EML5: variants seen among roughly 807,000 people sequenced by gnomAD.
EML5 encodes EMAP like 5.
In EML5, 120 loss-of-function variants were observed where a neutral mutation model predicts 250.0. The ratio of observed to expected loss-of-function variants is 0.48; its 90% CI spans 0.41 to 0.56. EML5 has a LOEUF of 0.56. Among genes scored for constraint, EML5 ranks in the 20% least tolerant of loss-of-function variants. The pLI, the probability that EML5 is intolerant of heterozygous loss-of-function variation, is 0.00. For missense variants in EML5, 2,006 were observed against 2,437.6 expected, an observed-to-expected ratio of 0.82 and a Z score of 3.73; for synonymous variants, 771 against 806.5, an observed-to-expected ratio of 0.96 and a Z score of 0.75.
Position 88,681,969 on chromosome 14 carries a change from A to G in EML5, c.3045T>C (p.Thr1015=), listed in dbSNP as rs373538008. The change falls in exon 21 of 44, where the codon ACT becomes ACC. Residue 1015 remains threonine (T), a synonymous_variant. Transcript: ENST00000554922. Reference sequence around the variant, plus strand: ...TTCTTAAGGTTTTATCATCGCTTACAGTAGCACAGATGGGCAGATAAGGGT... The same window carrying G: ...TTCTTAAGGTTTTATCATCGCTTACGGTAGCACAGATGGGCAGATAAGGGT... ...ATHPYLPICA[T]VSDDKTLRIW... The G allele has an allele frequency of 4.6e-5, 74 of 1,613,600 alleles. 1 individual carries two copies. Among genetic ancestry groups the G allele is most frequent in the Non-Finnish European group, 7.6e-6 (9 of 1,179,782 alleles).
At position 88,696,827 on chromosome 14, in the gene EML5, G is replaced by A. The variant is rs2093090683; in HGVS notation, c.2344+20C>T. Reference sequence around the variant, plus strand: ...CCTCTGCATTTTGTTAATTCTTACTGAGACAGCAAACAGCCTTACCTGAGA... The same window carrying A: ...CCTCTGCATTTTGTTAATTCTTACTAAGACAGCAAACAGCCTTACCTGAGA... On this transcript the variant is annotated intron_variant, in intron 15 of 43. Coordinates refer to ENST00000554922, the MANE Select transcript of EML5 (RefSeq NM_183387.3). The A allele has an allele frequency of 1.3e-6, 2 of 1,559,708 alleles. No homozygotes were observed. The highest frequency in any genetic ancestry group is 1.4e-5 in the African/African-American group (1 of 72,974).
rs1476210601 is a variant in EML5, at chr14:88,649,998, T to C, written c.4005-72A>G. 4.4e-6 allele frequency: 5 copies of C among 1,124,586 alleles called. No homozygotes were observed. In the East Asian group the frequency reaches 1.1e-4, roughly 26 times the overall value. 69.7% of individuals were successfully genotyped at this position (1,124,586 alleles called of 1,614,324 possible). ...TGATGATGAATAGAATACAGCATTT[T>C]AGCAAACAGAAGAAAGGCAACATGT... On this transcript the variant is annotated intron_variant, in intron 27 of 43. Coordinates refer to ENST00000554922, the MANE Select transcript of EML5 (RefSeq NM_183387.3).
chr14:88,784,967 T>C (rs2140834719), intron 1 of EML5, among the ~76,000 whole-genome samples: 1 of 152,128 alleles, frequency 6.6e-6, no homozygotes, highest in African/African-American at 2.4e-5. Flanking sequence ...GATGAATGGA[T>C]AAAGAAAACG....
At chr14:88,706,980 A>G (rs1193316349) in intron 10 of EML5, among the ~76,000 whole-genome samples, 2 of 152,348 alleles carry the variant, frequency 1.3e-5, no homozygotes, top group Middle Eastern at 3.4e-3. Context: ...AGTTGTTCCA[A>G]CAATGTCCTT....
At position 88,642,980 on chromosome 14, in the gene EML5, A is replaced by T; in HGVS notation, c.4150T>A (p.Cys1384Ser). Reference protein sequence around the residue: ...ELIFGYRGRDCRNNVHYLNDG... With the variant: ...ELIFGYRGRDSRNNVHYLNDG... ...TTTAAATAGTGAACATTATTCCTAC[A>T]GTCTCTGCCTCGATAACCAAAAATG... Residue 1384 changes from cysteine to serine, a missense_variant, in exon 31 of 44, where the codon TGT becomes AGT. Coordinates refer to ENST00000554922, the MANE Select transcript of EML5 (RefSeq NM_183387.3). The T allele has an allele frequency of 6.2e-7, 1 of 1,602,064 alleles. No homozygotes were observed. The highest frequency in any genetic ancestry group is 8.5e-7 in the Non-Finnish European group (1 of 1,176,620).
At chr14:88,644,903 G>A (rs1490960773) in intron 29 of EML5, among the ~76,000 whole-genome samples, 1 of 151,892 alleles carries the variant, frequency 6.6e-6, no homozygotes, top group Admixed American at 6.6e-5. Flanking sequence ...GTAGAGACGG[G>A]GTTTCACCAT....
rs12587531 is a variant in EML5 at position 88,620,427 on chromosome 14, A to T, written c.5375+327T>A. 44,500 of 203,358 alleles carry T rather than the reference A, an allele frequency of 0.22. 5,918 individuals carry two copies. The highest frequency in any genetic ancestry group is 0.47 in the East Asian group (4,158 of 8,788). 12.6% of individuals were successfully genotyped at this position (203,358 alleles called of 1,614,324 possible). On this transcript the variant is annotated intron_variant, in intron 39 of 43. Coordinates refer to ENST00000554922, the MANE Select transcript of EML5 (RefSeq NM_183387.3). The surrounding 1 kb of genome is among the most constrained non-coding windows in gnomAD (Gnocchi z 4.3). Reference sequence around the variant, plus strand: ...CACAACTTTAGTTTTCCAGGGTGACAACTTTTGAAGGGCAGATAGCTCTCT... The same window carrying T: ...CACAACTTTAGTTTTCCAGGGTGACTACTTTTGAAGGGCAGATAGCTCTCT...
chr14:88,670,828 G>T (rs2092443240), intron 21 of EML5, among the ~76,000 whole-genome samples: 1 of 151,510 alleles, frequency 6.6e-6, no homozygotes, highest in Non-Finnish European at 1.5e-5. Context: ...AGAGCTTGAA[G>T]ACTATCTTGC....
Position 88,614,457 on chromosome 14 carries a change from A to G in EML5, c.*1361T>C, listed in dbSNP as rs933775915. ...TTTCTATTTTTAGTATTAACCAAGT[A>G]TTAGACACAGAAAATAGGTATTAAG... is the stretch of plus-strand genomic sequence containing the variant. On this transcript the variant is annotated 3_prime_UTR_variant, in exon 44 of 44. Transcript: ENST00000554922. 1 of 152,192 alleles carries G rather than the reference A, an allele frequency of 6.6e-6. No homozygotes were observed. Among genetic ancestry groups the G allele is most frequent in the African/African-American group, 2.4e-5 (1 of 41,446 alleles). The allele number at this position is 152,192 out of a possible 1,614,324, so 9.4% of individuals were successfully genotyped here.
At chr14:88,686,876 A>C (rs2092845143) in intron 19 of EML5, among the ~76,000 whole-genome samples, 1 of 152,228 alleles carries the variant, frequency 6.6e-6, no homozygotes, top group Non-Finnish European at 1.5e-5. Flanking sequence ...AACAGGGTCA[A>C]CAAAATGCCA....
chr14:88,711,821 T>C (rs1411883133), intron 10 of EML5, among the ~76,000 whole-genome samples: 1 of 151,998 alleles, frequency 6.6e-6, no homozygotes, highest in Non-Finnish European at 1.5e-5. Flanking sequence ...GGCACATGCC[T>C]GTAATCCCAG....
At chr14:88,708,466 A>G (rs914435409) in intron 10 of EML5, among the ~76,000 whole-genome samples, 4 of 152,200 alleles carry the variant, frequency 2.6e-5, no homozygotes, top group Non-Finnish European at 5.9e-5. Context: ...GGTATATAGC[A>G]AACACTCATT....
chr14:88,690,129 A>G (rs28392632), intron 17 of EML5, among the ~76,000 whole-genome samples: 14,446 of 152,246 alleles, frequency 0.095, 793 homozygotes, highest in African/African-American at 0.13. Context: ...TCACTAAGTA[A>G]CATCCAGGGA....
intron 1 of EML5, among the ~76,000 whole-genome samples, chr14:88,788,471 T>C (rs577665070): frequency 6.6e-6 from 1 of 152,210 alleles, no homozygotes; most frequent in South Asian, 2.1e-4. Flanking sequence ...GGTATACTTT[T>C]CAAAATATTT....
chr14:88,629,457 C>A (rs1208104133), intron 33 of EML5, among the ~76,000 whole-genome samples: 1 of 152,170 alleles, frequency 6.6e-6, no homozygotes, highest in African/African-American at 2.4e-5. Flanking sequence ...TCTAAACTTA[C>A]ATCAGTAACA....
rs764410502 is a variant in EML5, at chr14:88,643,035, T to C, written c.4108-13A>G. ...CCAACACAAGGTCCTATAATGATAATAATAAAACCATTATATTCTTCCTCA... is the reference window on the plus strand; with the variant it reads ...CCAACACAAGGTCCTATAATGATAACAATAAAACCATTATATTCTTCCTCA... On this transcript the variant is annotated splice_polypyrimidine_tract_variant and intron_variant, in intron 30 of 43. Coordinates refer to ENST00000554922, the MANE Select transcript of EML5 (RefSeq NM_183387.3). The C allele has an allele frequency of 1.3e-6, 2 of 1,557,166 alleles. No individual in the cohort carries two copies.
chr14:88,695,540 T>C (rs2093058325), intron 15 of EML5, 86 bp from the exon 16 acceptor site: 1 of 1,230,576 alleles, frequency 8.1e-7, no homozygotes. Context: ...ACCCACATCC[T>C]ATATTTAAAA....
chr14:88,656,070 G>C (rs2091856141), intron 27 of EML5, among the ~76,000 whole-genome samples: 2 of 152,146 alleles, frequency 1.3e-5, no homozygotes, highest in African/African-American at 4.8e-5. Context: ...AATTCCTCAA[G>C]GATCTAGAAC....
Position 88,638,830 on chromosome 14 carries a change from T to A in EML5, c.4315A>T (p.Ile1439Leu), listed in dbSNP as rs2090891244. 6.3e-7 allele frequency: 1 copy of A among 1,593,566 alleles called. No individual in the cohort carries two copies. Among genetic ancestry groups the A allele is most frequent in the Non-Finnish European group, 8.6e-7 (1 of 1,169,298 alleles). The change falls in exon 32 of 44, where the codon ATA becomes TTA. Residue 1439 changes from isoleucine to leucine, a missense_variant. Ile to Leu is a conservative substitution (Grantham distance 5, BLOSUM62 2). This residue lies in a region of EML5 where 1,375 missense variants were observed against 1,590.3 expected (regional missense o/e 0.86). Transcript: ENST00000554922. Reference protein sequence around the residue: ...TVNQHPKFINIVATGQVGDSA... With the variant: ...TVNQHPKFINLVATGQVGDSA... ...ATACCTACTTGGCCAGTTGCCACTA[T>A]GTTGATAAATTTGGGGTGCTGGTTT...
Sources: gnomAD v4.1 joint callset for allele counts (sites outside exome capture counted in the v4.1 genomes callset) on GRCh38, gnomAD v4.1.1 for gene constraint, gnomAD v4.1.1 regional missense constraint, Gnocchi (gnomAD v3.1) non-coding constraint, MANE v1.5 for transcripts, NCBI Gene and HGNC (gene_info 2026-07-23, HGNC 2026-07-21) for gene names.